Variants in AGBL4 observed in about 807,000 individuals in gnomAD.
AGBL4 encodes the protein cytosolic carboxypeptidase 6.
Under a neutral mutation model 66.4 loss-of-function variants are expected in AGBL4, and 58 were observed. The observed-to-expected ratio is 0.87, with a 90% CI of 0.71 to 1.09. The LOEUF (loss-of-function observed/expected upper bound fraction) is 1.09. Ranked by LOEUF, AGBL4 falls within the 50% of genes least tolerant of loss-of-function variation. The pLI, the probability that AGBL4 is intolerant of heterozygous loss-of-function variation, is 0.00. For missense variants in AGBL4, 579 were observed against 631.0 expected (o/e 0.92, Z 0.88); for synonymous variants, 234 against 222.9 (o/e 1.05, Z -0.44).
At chr1:49,630,597 G>A (rs1268324283) in intron 3 of AGBL4, among the ~76,000 whole-genome samples, 1 of 152,114 alleles carries the variant, frequency 6.6e-6, no homozygotes, top group Non-Finnish European at 1.5e-5. Context: ...ATTAATTCTT[G>A]CATATCCAGT....
chr1:49,190,990 T>C (rs969999357), intron 4 of AGBL4, among the ~76,000 whole-genome samples: 1 of 152,196 alleles, frequency 6.6e-6, no homozygotes. Context: ...GGGTTCCAAA[T>C]TGGATGCTCT....
intron 3 of AGBL4, among the ~76,000 whole-genome samples, chr1:49,329,142 A>G (rs556058390): frequency 1.3e-5 from 2 of 151,452 alleles, no homozygotes; most frequent in South Asian, 4.2e-4. Flanking sequence ...CCCTGTCTCT[A>G]CTAAATATAC....
At chr1:49,242,131 G>T (rs1651285442) in intron 4 of AGBL4, among the ~76,000 whole-genome samples, 1 of 151,736 alleles carries the variant, frequency 6.6e-6, no homozygotes, top group South Asian at 2.1e-4. Context: ...TCTCTACATT[G>T]TACCTGTTTA....
At chr1:49,070,660 C>T (rs1301453234) in intron 4 of AGBL4, among the ~76,000 whole-genome samples, 4 of 151,846 alleles carry the variant, frequency 2.6e-5, no homozygotes, top group Admixed American at 1.3e-4. Context: ...ATTTTCACAT[C>T]GATGTTCATC....
At chr1:48,728,152 C>A in intron 6 of AGBL4, 1 of 965,032 alleles carries the variant, frequency 1.0e-6, no homozygotes, top group South Asian at 1.9e-5. Context: ...CAAATACCAG[C>A]TTATGTATCT....
intron 3 of AGBL4, among the ~76,000 whole-genome samples, chr1:49,490,332 GTAAT>G (rs1647163609): frequency 6.6e-6 from 1 of 151,750 alleles, no homozygotes; most frequent in South Asian, 2.1e-4. Flanking sequence ...AAATTAAACA[GTAAT>G]TAATGTATCT....
At chr1:49,181,681 G>C (rs1052383061) in intron 4 of AGBL4, among the ~76,000 whole-genome samples, 5 of 152,208 alleles carry the variant, frequency 3.3e-5, no homozygotes, top group African/African-American at 1.2e-4. Flanking sequence ...CTGGGAGCAA[G>C]AATTATGATG....
chr1:49,763,575 A>G (rs1442805993), intron 2 of AGBL4, among the ~76,000 whole-genome samples: 1 of 152,170 alleles, frequency 6.6e-6, no homozygotes, highest in African/African-American at 2.4e-5. Context: ...CTGGGCAGCC[A>G]CCCACCTGGG....
At chr1:49,881,242 T>A (rs897669930) in intron 1 of AGBL4, among the ~76,000 whole-genome samples, 2 of 152,158 alleles carry the variant, frequency 1.3e-5, no homozygotes, top group African/African-American at 4.8e-5. Flanking sequence ...GGCTGCATAG[T>A]ATTCCATGGT....
chr1:49,472,348 G>A (rs1388380238), intron 3 of AGBL4, among the ~76,000 whole-genome samples: 3 of 151,948 alleles, frequency 2.0e-5, no homozygotes, highest in Non-Finnish European at 2.9e-5. Flanking sequence ...TAGTAGATAC[G>A]AACACAGATA....
intron 1 of AGBL4, among the ~76,000 whole-genome samples, chr1:50,019,854 A>C (rs1662311225): frequency 6.6e-6 from 1 of 152,062 alleles, no homozygotes; most frequent in African/African-American, 2.4e-5. Context: ...ATTAACTGTA[A>C]GGTTTTCTTT....
intron 3 of AGBL4, among the ~76,000 whole-genome samples, chr1:49,520,523 C>T (rs1260324622): frequency 2.0e-5 from 3 of 151,954 alleles, no homozygotes; most frequent in East Asian, 3.9e-4. Flanking sequence ...TAATAAGGCC[C>T]TACCTGTTGC....
At chr1:49,554,772 T>C (rs754025624) in intron 3 of AGBL4, among the ~76,000 whole-genome samples, 10 of 152,196 alleles carry the variant, frequency 6.6e-5, no homozygotes, top group Non-Finnish European at 1.2e-4. Context: ...TGTTCAGATG[T>C]GTCCAGAGTT....
chr1:49,098,649 A>T (rs1488427916), intron 4 of AGBL4, among the ~76,000 whole-genome samples: 1 of 152,192 alleles, frequency 6.6e-6, no homozygotes, highest in African/African-American at 2.4e-5. Context: ...CTAGGAGTTC[A>T]CTGCAACCTG....
chr1:49,510,434 G>GT (rs1193216493), intron 3 of AGBL4, among the ~76,000 whole-genome samples: 4 of 149,954 alleles, frequency 2.7e-5, no homozygotes. Flanking sequence ...GGGGTTGTTT[G>GT]TTTTTTTCTT....
At chr1:49,318,687 G>A (rs1371556135) in intron 3 of AGBL4, among the ~76,000 whole-genome samples, 3 of 152,000 alleles carry the variant, frequency 2.0e-5, no homozygotes, top group African/African-American at 7.2e-5. Context: ...AAGTATCTAG[G>A]TAAGAGCTAG....
chr1:49,186,949 T>C (rs569614519), intron 4 of AGBL4, among the ~76,000 whole-genome samples: 1 of 152,264 alleles, frequency 6.6e-6, no homozygotes, highest in African/African-American at 2.4e-5. Flanking sequence ...ATCTACAATG[T>C]CCATGAAATG....
rs544988597 is a variant in AGBL4 at position 49,847,673 on chromosome 1, A to T, written c.157+3723T>A. ...CAAAGGACATGAATAAATATTTTTTAAAAAAGAACATTACAAATGGCAAAT... is the reference window on the plus strand; with the variant it reads ...CAAAGGACATGAATAAATATTTTTTTAAAAAGAACATTACAAATGGCAAAT... On this transcript the variant is annotated intron_variant, in intron 2 of 13. Transcript: ENST00000371839. 6.4e-4 allele frequency among the ~76,000 whole-genome samples: 98 copies of T among 152,296 alleles called. No individual in the cohort carries two copies. In the South Asian group the frequency reaches 8.5e-3, roughly 13 times the overall value.
At chr1:48,568,149 A>G (rs1462052243) in intron 11 of AGBL4, among the ~76,000 whole-genome samples, 2 of 152,164 alleles carry the variant, frequency 1.3e-5, no homozygotes, top group African/African-American at 2.4e-5. Flanking sequence ...GCATCCTGCA[A>G]ATCTGATCAT....
Sources: gnomAD v4.1 joint callset for allele counts (sites outside exome capture counted in the v4.1 genomes callset) on GRCh38, gnomAD v4.1.1 for gene constraint, MANE v1.5 for transcripts, NCBI Gene and HGNC (gene_info 2026-07-23, HGNC 2026-07-21) for gene names.